SYT17: variants seen among roughly 807,000 people sequenced by gnomAD.
The protein encoded by SYT17 is synaptotagmin 17.
Under a neutral mutation model 46.7 loss-of-function variants are expected in SYT17, and 22 were observed. The ratio of observed to expected loss-of-function variants is 0.47; its 90% CI spans 0.34 to 0.67. The LOEUF is 0.67. SYT17 is among the 30% of genes least tolerant of loss of function. SYT17 has a pLI of 0.01. For synonymous variants in SYT17, 251 were observed against 248.4 expected (o/e 1.01, Z -0.10); for missense variants, 519 against 612.8 (o/e 0.85, Z 1.62).
chr16:19,214,878 C>T (rs1309130917), intron 5 of SYT17, among the ~76,000 whole-genome samples: 1 of 151,994 alleles, frequency 6.6e-6, no homozygotes, highest in Admixed American at 6.6e-5. Context: ...AAACTTCCGC[C>T]TTCTGGGTCA....
intron 5 of SYT17, among the ~76,000 whole-genome samples, chr16:19,197,702 A>C (rs910444196): frequency 1.2e-4 from 19 of 152,322 alleles, no homozygotes; most frequent in African/African-American, 4.1e-4. Flanking sequence ...CAAGGATTAC[A>C]GGCATGAACC....
intron 5 of SYT17, among the ~76,000 whole-genome samples, chr16:19,198,225 G>A (rs1393962308): frequency 3.3e-5 from 5 of 152,046 alleles, no homozygotes; most frequent in Non-Finnish European, 5.9e-5. Context: ...ACCCCACCCC[G>A]AGAACTAAAG....
upstream of SYT17, chr16:19,168,128 CG>C: frequency 6.3e-6 from 1 of 158,570 alleles, no homozygotes; most frequent in Non-Finnish European, 1.4e-5. The surrounding 1 kb of genome is among the most constrained non-coding windows in gnomAD (Gnocchi z 6.9). Flanking sequence ...ACGGCTGCCC[CG>C]GGGGCGCTGC....
chr16:19,195,520 A>C (rs894735485), intron 5 of SYT17, among the ~76,000 whole-genome samples: 2 of 152,010 alleles, frequency 1.3e-5, no homozygotes, highest in Non-Finnish European at 2.9e-5. Flanking sequence ...GTTCAAGACC[A>C]GCCTGGCCAA....
intron 7 of SYT17, among the ~76,000 whole-genome samples, chr16:19,239,147 T>C (rs1207327921): frequency 6.6e-6 from 1 of 151,998 alleles, no homozygotes; most frequent in African/African-American, 2.4e-5. Context: ...GCTGGACATA[T>C]GGTGGCGTGT....
chr16:19,178,803 C>T (rs946803407), intron 3 of SYT17, among the ~76,000 whole-genome samples: 3 of 152,146 alleles, frequency 2.0e-5, no homozygotes, highest in Admixed American at 6.5e-5. Context: ...CTCAAAACGA[C>T]GTCACCAGCT....
chr16:19,260,003 G>C (rs1207954244), intron 7 of SYT17, among the ~76,000 whole-genome samples: 1 of 152,070 alleles, frequency 6.6e-6, no homozygotes. Context: ...AACAGGGACT[G>C]GGGAGTGTGT....
chr16:19,218,820 C>T (rs1966191503), intron 5 of SYT17, among the ~76,000 whole-genome samples: 1 of 152,218 alleles, frequency 6.6e-6, no homozygotes, highest in Non-Finnish European at 1.5e-5. Flanking sequence ...CCCACACTGG[C>T]CTTCTCTTTG....
At chr16:19,255,374 G>T (rs1021059461) in intron 7 of SYT17, among the ~76,000 whole-genome samples, 1 of 152,102 alleles carries the variant, frequency 6.6e-6, no homozygotes, top group Non-Finnish European at 1.5e-5. Flanking sequence ...GTAGGATGGG[G>T]GGCAGCATCC....
At chr16:19,214,448 C>A (rs1485659277) in intron 5 of SYT17, among the ~76,000 whole-genome samples, 1 of 152,102 alleles carries the variant, frequency 6.6e-6, no homozygotes, top group East Asian at 1.9e-4. Flanking sequence ...GATCTTCCCA[C>A]TTTGACCTCC....
chr16:19,249,149 C>T (rs1395457193), intron 7 of SYT17, among the ~76,000 whole-genome samples: 1 of 152,078 alleles, frequency 6.6e-6, no homozygotes, highest in East Asian at 1.9e-4. Flanking sequence ...TGGCAGGCGA[C>T]TGTAGTCCCA....
rs757723014 is a variant in SYT17 at position 19,183,661 on chromosome 16, G to A, written c.465G>A (p.Arg155=). The A allele has an allele frequency of 2.8e-5, 46 of 1,614,158 alleles. No individual in the cohort carries two copies. The East Asian group carries it at 1.0e-3, about 36-fold the overall frequency. Residue 155 remains arginine (R), a synonymous_variant, in exon 5 of 8, where the codon AGG becomes AGA. Coordinates refer to ENST00000355377, the MANE Select transcript of SYT17 (RefSeq NM_016524.4). The surrounding 1 kb of genome is among the most constrained non-coding windows in gnomAD (Gnocchi z 5.6). ...RRTYNPDDYF[R]KFEPHLYSLD... is the part of the protein sequence containing the mutation. Reference sequence around the variant, plus strand: ...CCTATAACCCCGACGACTATTTCAGGAAGTTCGAACCCCACCTGTACTCCC... The same window carrying A: ...CCTATAACCCCGACGACTATTTCAGAAAGTTCGAACCCCACCTGTACTCCC...
chr16:19,211,901 C>T (rs1965918334), intron 5 of SYT17, among the ~76,000 whole-genome samples: 2 of 152,270 alleles, frequency 1.3e-5, no homozygotes, highest in East Asian at 1.9e-4. Flanking sequence ...GCTGGGATTA[C>T]AGGTGTGAGC....
At chr16:19,176,423 CA>C (rs1218988316) in intron 3 of SYT17, among the ~76,000 whole-genome samples, 2 of 152,094 alleles carry the variant, frequency 1.3e-5, no homozygotes, top group Non-Finnish European at 2.9e-5. Context: ...ACTATTAGAC[CA>C]GGGGTTGGCA....
At chr16:19,172,625 A>G in intron 1 of SYT17, 135 bp from the exon 2 acceptor site, 1 of 1,536,324 alleles carries the variant, frequency 6.5e-7, no homozygotes, top group Non-Finnish European at 8.7e-7. Flanking sequence ...GTAAGTGGAA[A>G]TATGCAGGGC....
At chr16:19,255,754 C>T (rs1486355739) in intron 7 of SYT17, among the ~76,000 whole-genome samples, 1 of 152,178 alleles carries the variant, frequency 6.6e-6, no homozygotes, top group East Asian at 1.9e-4. Context: ...CACGCCACTG[C>T]ACTCCACTGT....
intron 5 of SYT17, among the ~76,000 whole-genome samples, chr16:19,207,836 G>A (rs1965731997): frequency 6.6e-6 from 1 of 152,056 alleles, no homozygotes; most frequent in African/African-American, 2.4e-5. Context: ...AGGAGTTCAA[G>A]GCTGCGAGCT....
Position 19,226,909 on chromosome 16 carries a change from C to T in SYT17, c.1228+2071C>T, listed in dbSNP as rs190651238. ...CATTTTATGATAAATGTAGCACACA[C>T]GTGTTATAATGAGTGACACCATGAA... On this transcript the variant is annotated intron_variant, in intron 7 of 7. Transcript: ENST00000355377. 1.5e-3 allele frequency among the ~76,000 whole-genome samples: 221 copies of T among 152,270 alleles called. 1 individual carries two copies. The highest frequency in any genetic ancestry group is 5.0e-3 in the African/African-American group (209 of 41,544).
At chr16:19,260,712 C>T (rs1968917336) in intron 7 of SYT17, among the ~76,000 whole-genome samples, 1 of 152,002 alleles carries the variant, frequency 6.6e-6, no homozygotes, top group Admixed American at 6.6e-5. Flanking sequence ...GTATTTTTGG[C>T]TTACAATATC....
Sources: allele counts gnomAD v4.1 joint callset (sites outside exome capture counted in the v4.1 genomes callset), GRCh38; gene constraint gnomAD v4.1.1; non-coding constraint Gnocchi (gnomAD v3.1); transcripts MANE v1.5; gene names NCBI Gene and HGNC (gene_info 2026-07-23, HGNC 2026-07-21).